Variants in UGT1A9 observed in about 807,000 individuals in gnomAD.
The protein encoded by UGT1A9 is UDP-glucuronosyltransferase 1A9.
A neutral mutation model predicts 45.0 loss-of-function variants in UGT1A9; 35 were observed. The observed-to-expected ratio is 0.78, with a 90% CI of 0.59 to 1.03. UGT1A9 has a LOEUF of 1.03. UGT1A9 is among the 50% of genes least tolerant of loss of function. UGT1A9 has a pLI of 0.00. For synonymous variants in UGT1A9, 278 were observed against 250.6 expected, an observed-to-expected ratio of 1.11 and a Z score of -1.03; for missense variants, 687 against 666.6, an observed-to-expected ratio of 1.03 and a Z score of -0.34.
At chr2:233,725,615 T>C (rs572802204) in intron 1 of UGT1A9, among the ~76,000 whole-genome samples, 1 of 152,322 alleles carries the variant, frequency 6.6e-6, no homozygotes, top group African/African-American at 2.4e-5. Flanking sequence ...TCTTGCTAAG[T>C]CTTCAAAATC....
At chr2:233,719,370 G>A (rs1322563155) in intron 1 of UGT1A9, 5 of 1,613,830 alleles carry the variant, frequency 3.1e-6, no homozygotes, top group Non-Finnish European at 3.4e-6. Flanking sequence ...AGACTTTAAG[G>A]GCACACAGTG....
intron 1 of UGT1A9, chr2:233,755,218 C>A (rs1203897935): frequency 2.4e-5 from 25 of 1,027,326 alleles, no homozygotes; most frequent in Non-Finnish European, 3.5e-5. Flanking sequence ...TTCTTGATAC[C>A]CTCGGACGAG....
chr2:233,759,342 C>A (rs1337999825), intron 1 of UGT1A9, among the ~76,000 whole-genome samples: 1 of 152,112 alleles, frequency 6.6e-6, no homozygotes, highest in Non-Finnish European at 1.5e-5. Flanking sequence ...TTCAGGTGAG[C>A]GCTGAAAATC....
At chr2:233,735,868 CAG>C (rs201129034) in intron 1 of UGT1A9, among the ~76,000 whole-genome samples, 5,840 of 152,248 alleles carry the variant, frequency 0.038, 150 homozygotes, top group Non-Finnish European at 0.054. Flanking sequence ...AGGGTTTCTG[CAG>C]AGAGATCTGC....
chr2:233,679,288 C>T (rs760251029), intron 1 of UGT1A9, among the ~76,000 whole-genome samples: 3 of 152,298 alleles, frequency 2.0e-5, no homozygotes, highest in Non-Finnish European at 4.4e-5. Flanking sequence ...TCTGCCTTCA[C>T]GGACAAAGCC....
intron 1 of UGT1A9, among the ~76,000 whole-genome samples, chr2:233,749,524 A>C (rs1694211122): frequency 6.6e-6 from 1 of 151,812 alleles, no homozygotes; most frequent in Non-Finnish European, 1.5e-5. Flanking sequence ...AGCAAGGCTA[A>C]TTTTCGAGTG....
chr2:233,772,294 T>G lies in UGT1A9; in HGVS notation c.1328T>G (p.Leu443Arg). 6.2e-7 allele frequency: 1 copy of G among 1,614,228 alleles called. No individual in the cohort carries two copies. The highest frequency in any genetic ancestry group is 8.5e-7 in the Non-Finnish European group (1 of 1,180,042). The change falls in exon 5 of 5, where the codon CTT (leucine) becomes CGT (arginine). Residue 443 changes from leucine (L) to arginine (R), a missense_variant. By Grantham distance (102) the Leu-to-Arg change is moderately radical. Coordinates refer to ENST00000354728, the MANE Select transcript of UGT1A9 (RefSeq NM_021027.3). Reference protein sequence around the residue: ...YKENIMRLSSLHKDRPVEPLD... With the variant: ...YKENIMRLSSRHKDRPVEPLD... ...GAGAACATCATGCGCCTCTCCAGCC[T>G]TCACAAGGACCGCCCGGTGGAGCCG...
At chr2:233,758,898 T>G (rs1462729445) in intron 1 of UGT1A9, among the ~76,000 whole-genome samples, 1 of 152,186 alleles carries the variant, frequency 6.6e-6, no homozygotes, top group Non-Finnish European at 1.5e-5. Context: ...AAATACAAAT[T>G]TGAGTTGTTT....
At chr2:233,680,965 G>C (rs1380712163) in intron 1 of UGT1A9, among the ~76,000 whole-genome samples, 2 of 152,046 alleles carry the variant, frequency 1.3e-5, no homozygotes, top group Non-Finnish European at 2.9e-5. Context: ...ATTTCTGGAA[G>C]GGTCCATGGA....
chr2:233,755,826 A>T (rs1696033574), intron 1 of UGT1A9: 1 of 152,260 alleles, frequency 6.6e-6, no homozygotes, highest in Admixed American at 6.5e-5. Context: ...AAAAAGACAT[A>T]TTCATTGGGC....
chr2:233,734,873 G>A (rs1334248859), intron 1 of UGT1A9, among the ~76,000 whole-genome samples: 3 of 152,244 alleles, frequency 2.0e-5, no homozygotes, highest in Non-Finnish European at 2.9e-5. Flanking sequence ...ACTATGGTCT[G>A]AGAGACAGTT....
At chr2:233,674,078 C>T (rs966214641) in intron 1 of UGT1A9, among the ~76,000 whole-genome samples, 3 of 152,080 alleles carry the variant, frequency 2.0e-5, no homozygotes, top group African/African-American at 7.2e-5. Flanking sequence ...AATGTCTAAT[C>T]TCAGTATATT....
At chr2:233,681,716 T>C (rs1052249030) in intron 1 of UGT1A9, among the ~76,000 whole-genome samples, 2 of 152,200 alleles carry the variant, frequency 1.3e-5, no homozygotes, top group South Asian at 2.1e-4. Flanking sequence ...AAGGCAAAGA[T>C]GATGAGTTAC....
Position 233,769,261 on chromosome 2 carries a change from C to T in UGT1A9, c.1295+822C>T, listed in dbSNP as rs1242622914. ...ATTTGCTCAAATGTGGCCCTGAAAA[C>T]GATTCAAAGGGCAAATGATTTCTGG... On this transcript the variant is annotated intron_variant, in intron 4 of 4. Coordinates refer to ENST00000354728, the MANE Select transcript of UGT1A9 (RefSeq NM_021027.3). This position sits in a 1 kb window ranked among gnomAD's most constrained non-coding sequence, Gnocchi z 4.4. 1.3e-5 allele frequency among the ~76,000 whole-genome samples: 2 copies of T among 152,124 alleles called. No homozygotes were observed. Among genetic ancestry groups the T allele is most frequent in the African/African-American group, 2.4e-5 (1 of 41,420 alleles).
At chr2:233,763,725 A>G (rs557422136) in intron 1 of UGT1A9, among the ~76,000 whole-genome samples, 3 of 152,232 alleles carry the variant, frequency 2.0e-5, no homozygotes, top group South Asian at 2.1e-4. Flanking sequence ...AGAAAGCACA[A>G]CCTGGCATTG....
chr2:233,756,842 A>T (rs544297535), intron 1 of UGT1A9, among the ~76,000 whole-genome samples: 73 of 152,236 alleles, frequency 4.8e-4, no homozygotes, highest in African/African-American at 1.7e-3. Context: ...TTAACCAAAG[A>T]ACATTCTAAC....
chr2:233,698,815 T>C (rs2075464153), intron 1 of UGT1A9, among the ~76,000 whole-genome samples: 1 of 152,234 alleles, frequency 6.6e-6, no homozygotes, highest in Non-Finnish European at 1.5e-5. Flanking sequence ...CCTCGCCTTG[T>C]GGAAGAGTAA....
chr2:233,691,173 G>T, intron 1 of UGT1A9: 2 of 985,646 alleles, frequency 2.0e-6, no homozygotes, highest in Non-Finnish European at 2.4e-6. Flanking sequence ...CCTAATGTCT[G>T]CCTGCTCAAG....
chr2:233,739,834 G>T (rs1286639353), intron 1 of UGT1A9, among the ~76,000 whole-genome samples: 1 of 152,016 alleles, frequency 6.6e-6, no homozygotes, highest in Non-Finnish European at 1.5e-5. Context: ...GAAAAGACAT[G>T]AGATTTGGGA....
Sources: allele counts gnomAD v4.1 joint callset (sites outside exome capture counted in the v4.1 genomes callset), GRCh38; gene constraint gnomAD v4.1.1; non-coding constraint Gnocchi (gnomAD v3.1); transcripts MANE v1.5; gene names NCBI Gene and HGNC (gene_info 2026-07-23, HGNC 2026-07-21).